The following MEOX2 variants were observed in gnomAD, a reference collection of about 807,000 sequenced individuals.
MEOX2 encodes mesenchyme homeobox 2, also known as homeobox protein MOX-2.
MEOX2 carries 11 observed loss-of-function variants against 27.0 expected under a neutral mutation model. The observed-to-expected ratio is 0.41, with a 90% CI of 0.26 to 0.68. The LOEUF (loss-of-function observed/expected upper bound fraction) is 0.68. Ranked by LOEUF, MEOX2 falls within the 30% of genes least tolerant of loss-of-function variation. MEOX2 has a pLI of 0.33. For synonymous variants in MEOX2, 189 were observed against 155.4 expected (o/e 1.22, Z -1.61); for missense variants, 436 against 385.4 (o/e 1.13, Z -1.10).
chr7:15,633,453 C>T (rs541108949), intron 1 of MEOX2, among the ~76,000 whole-genome samples: 57 of 151,856 alleles, frequency 3.8e-4, no homozygotes, highest in Admixed American at 5.9e-4. Context: ...CAGCTGTCAA[C>T]AGGGCAAAAA....
intron 1 of MEOX2, among the ~76,000 whole-genome samples, chr7:15,643,191 G>T (rs1023974880): frequency 6.6e-6 from 1 of 152,166 alleles, no homozygotes; most frequent in Non-Finnish European, 1.5e-5. Context: ...GCAGGTGAGA[G>T]GCAGTTGCAC....
intron 2 of MEOX2, among the ~76,000 whole-genome samples, chr7:15,622,485 T>C (rs1019741799): frequency 1.2e-4 from 19 of 152,190 alleles, no homozygotes; most frequent in Admixed American, 9.2e-4. Flanking sequence ...AAGGAAAATA[T>C]TGAACAATAT....
chr7:15,647,694 C>T (rs977161810), intron 1 of MEOX2, among the ~76,000 whole-genome samples: 1 of 151,906 alleles, frequency 6.6e-6, no homozygotes, highest in African/African-American at 2.4e-5. Context: ...TAACAGCCAA[C>T]AACAAAAACA....
At chr7:15,679,951 G>A (rs1467089388) in intron 1 of MEOX2, 2 of 151,618 alleles carry the variant, frequency 1.3e-5, no homozygotes, top group Non-Finnish European at 3.0e-5. Flanking sequence ...TAAAAATACA[G>A]TGCACAATTA....
intron 1 of MEOX2, among the ~76,000 whole-genome samples, chr7:15,631,934 A>G (rs1472878908): frequency 8.4e-5 from 2 of 23,772 alleles, no homozygotes; most frequent in Admixed American, 4.4e-4. Context: ...GTGTGTGTGG[A>G]GAGAAAGAGA....
intron 1 of MEOX2, chr7:15,668,186 A>G (rs1308645992): frequency 3.3e-5 from 5 of 152,210 alleles, no homozygotes; most frequent in Non-Finnish European, 7.3e-5. Flanking sequence ...CGCCTCTCCT[A>G]CCTGAGACAG....
chr7:15,652,480 T>G (rs1441036233), intron 1 of MEOX2, among the ~76,000 whole-genome samples: 1 of 152,006 alleles, frequency 6.6e-6, no homozygotes, highest in Non-Finnish European at 1.5e-5. Context: ...ACTGCCACAT[T>G]GGAAAAGAAA....
intron 1 of MEOX2, among the ~76,000 whole-genome samples, chr7:15,649,620 T>G (rs530000981): frequency 6.6e-6 from 1 of 151,988 alleles, no homozygotes; most frequent in Non-Finnish European, 1.5e-5. Flanking sequence ...ACAGTGAGTA[T>G]CTGGAATATA....
chr7:15,634,077 C>A (rs1404933138), intron 1 of MEOX2, among the ~76,000 whole-genome samples: 1 of 151,842 alleles, frequency 6.6e-6, no homozygotes, highest in Non-Finnish European at 1.5e-5. Context: ...ATAACGATAT[C>A]TCCAAACATG....
At chr7:15,642,052 C>G (rs1781570240) in intron 1 of MEOX2, among the ~76,000 whole-genome samples, 2 of 152,152 alleles carry the variant, frequency 1.3e-5, no homozygotes, top group South Asian at 2.1e-4. Context: ...ATTTTTCCTT[C>G]ATGTTGACAT....
At chr7:15,638,118 A>T (rs1331684183) in intron 1 of MEOX2, among the ~76,000 whole-genome samples, 2 of 152,068 alleles carry the variant, frequency 1.3e-5, no homozygotes, top group Non-Finnish European at 2.9e-5. Context: ...TAAAAAGATG[A>T]TTTTTATTTT....
chr7:15,686,491 G>A lies in MEOX2; in HGVS notation c.-89C>T. The A allele has an allele frequency of 8.2e-7, 1 of 1,217,970 alleles. No individual in the cohort carries two copies. Among genetic ancestry groups the A allele is most frequent in the Non-Finnish European group, 1.1e-6 (1 of 916,158 alleles). The allele number at this position is 1,217,970 out of a possible 1,614,324, so 75.4% of individuals were successfully genotyped here. ...GTCACTTTTTCACTGGAAACCGTGTGATTTTTTTTTTAACCTCCCAAAGCA... is the reference window on the plus strand; with the variant it reads ...GTCACTTTTTCACTGGAAACCGTGTAATTTTTTTTTTAACCTCCCAAAGCA... On this transcript the variant is annotated 5_prime_UTR_variant, in exon 1 of 3. Coordinates refer to ENST00000262041, the MANE Select transcript of MEOX2 (RefSeq NM_005924.5).
chr7:15,612,718 C>G lies in MEOX2; in HGVS notation c.691-107G>C, dbSNP rs546008021. 9.3e-4 allele frequency: 744 copies of G among 804,152 alleles called. 2 individuals carry two copies. Among genetic ancestry groups the G allele is most frequent in the East Asian group, 2.8e-3 (110 of 38,620 alleles). The allele number at this position is 804,152 out of a possible 1,614,324, so 49.8% of individuals were successfully genotyped here. A position where few individuals can be genotyped will look rare whatever the true frequency, so the allele number is the denominator to read the frequency against. On this transcript the variant is annotated intron_variant, in intron 2 of 2. Coordinates refer to ENST00000262041, the MANE Select transcript of MEOX2 (RefSeq NM_005924.5). Reference sequence around the variant, plus strand: ...AAAAGAAGTTCCTCAAAGGCTTATACAAAGACACCATGAAGGAGTGAATAG... The same window carrying G: ...AAAAGAAGTTCCTCAAAGGCTTATAGAAAGACACCATGAAGGAGTGAATAG...
chr7:15,673,956 G>A (rs969728624), intron 1 of MEOX2, among the ~76,000 whole-genome samples: 20 of 151,974 alleles, frequency 1.3e-4, no homozygotes, highest in African/African-American at 4.6e-4. Flanking sequence ...CAAAAGCAGT[G>A]CTCTAAATAC....
At chr7:15,656,629 C>T (rs772813781) in intron 1 of MEOX2, among the ~76,000 whole-genome samples, 25 of 151,738 alleles carry the variant, frequency 1.6e-4, no homozygotes, top group Non-Finnish European at 2.9e-4. Flanking sequence ...TTAACCTCCC[C>T]TATTTATAAA....
Position 15,612,243 on chromosome 7 carries a change from A to G in MEOX2, c.*144T>C. 1.4e-6 allele frequency: 1 copy of G among 695,446 alleles called. No individual in the cohort carries two copies. The highest frequency in any genetic ancestry group is 2.4e-6 in the Non-Finnish European group (1 of 413,882). The allele number at this position is 695,446 out of a possible 1,614,324, so 43.1% of individuals were successfully genotyped here. ...GGCACTTTGTGTAAACCCTCTATAA[A>G]TCATGAAAAACAGATTCGAAATGCC... On this transcript the variant is annotated 3_prime_UTR_variant, in exon 3 of 3. Transcript: ENST00000262041.
rs906697453 is a variant in MEOX2, at chr7:15,685,901, T to C, written c.502A>G (p.Lys168Glu). ...GCGCCCTTACCTGAGCTGTCGCTTT[T>C]CCTCTTGCCGCCGCTTCGCTTCTCC... Reference protein sequence around the residue: ...EAEKRSGGKRKSDSSDSQEGN... With the variant: ...EAEKRSGGKRESDSSDSQEGN... The change falls in exon 1 of 3, where the codon AAA becomes GAA. Residue 168 changes from lysine to glutamate, a missense_variant. Coordinates refer to ENST00000262041, the MANE Select transcript of MEOX2 (RefSeq NM_005924.5). 6.2e-7 allele frequency: 1 copy of C among 1,603,682 alleles called. No homozygotes were observed. Among genetic ancestry groups the C allele is most frequent in the African/African-American group, 1.3e-5 (1 of 74,662 alleles).
intron 1 of MEOX2, among the ~76,000 whole-genome samples, chr7:15,665,242 C>G (rs1781983205): frequency 6.6e-6 from 1 of 151,790 alleles, no homozygotes; most frequent in Non-Finnish European, 1.5e-5. Flanking sequence ...CAGAATAACC[C>G]AGGGAAAATG....
At chr7:15,651,762 A>T (rs1781735206) in intron 1 of MEOX2, among the ~76,000 whole-genome samples, 1 of 151,468 alleles carries the variant, frequency 6.6e-6, no homozygotes, top group South Asian at 2.1e-4. Flanking sequence ...ACTGAAAAAA[A>T]GGAAAAATAA....
Sources: gnomAD v4.1 joint callset for allele counts (sites outside exome capture counted in the v4.1 genomes callset) on GRCh38, gnomAD v4.1.1 for gene constraint, MANE v1.5 for transcripts, NCBI Gene and HGNC (gene_info 2026-07-23, HGNC 2026-07-21) for gene names.